The following MTMR2 variants were observed in gnomAD, a reference collection of about 807,000 sequenced individuals.
The protein encoded by MTMR2 is phosphatidylinositol-3,5-bisphosphate 3-phosphatase MTMR2.
MTMR2 carries 55 observed loss-of-function variants against 86.9 expected under a neutral mutation model. The observed-to-expected ratio is 0.63, with a 90% CI of 0.51 to 0.79. The LOEUF is 0.79. Ranked by LOEUF, MTMR2 falls within the 30% of genes least tolerant of loss-of-function variation. The pLI is 0.00. For missense variants in MTMR2, 659 were observed against 772.3 expected (o/e 0.85, Z 1.74); for synonymous variants, 241 against 266.8 (o/e 0.90, Z 0.94).
intron 2 of MTMR2, among the ~76,000 whole-genome samples, chr11:95,878,250 G>A (rs1404745473): frequency 2.0e-5 from 3 of 149,294 alleles, no homozygotes; most frequent in African/African-American, 7.4e-5. Context: ...CAAAAATGTG[G>A]ACACAGAAAA....
intron 1 of MTMR2, 36 bp from the exon 2 acceptor site, chr11:95,888,297 G>T: frequency 2.7e-6 from 4 of 1,482,826 alleles, no homozygotes; most frequent in South Asian, 2.3e-5. Flanking sequence ...TTGGAAAAAT[G>T]GGGGCTTCAA....
chr11:95,887,791 T>C, intron 2 of MTMR2: 1 of 230,372 alleles, frequency 4.3e-6, no homozygotes, highest in Non-Finnish European at 8.6e-6. Context: ...GGTCAGAGTT[T>C]TACAAGAGAT....
intron 1 of MTMR2, among the ~76,000 whole-genome samples, chr11:95,919,810 G>A (rs73533198): frequency 0.055 from 8,372 of 152,056 alleles, 781 homozygotes; most frequent in African/African-American, 0.19. Flanking sequence ...TGAACATTCC[G>A]TCAACATTCT....
At chr11:95,870,723 CTTT>C (rs1002042311) in intron 2 of MTMR2, among the ~76,000 whole-genome samples, 9 of 124,012 alleles carry the variant, frequency 7.3e-5, no homozygotes, top group Non-Finnish European at 1.5e-4. Flanking sequence ...TTTTAAGGTT[CTTT>C]TTTTCTTTTT....
At chr11:95,888,287 T>G in intron 1 of MTMR2, 26 bp from the exon 2 acceptor site, 1 of 1,554,258 alleles carries the variant, frequency 6.4e-7, no homozygotes, top group Non-Finnish European at 8.9e-7. Flanking sequence ...GTACAGTATG[T>G]TGGAAAAATG....
At chr11:95,848,991 T>A (rs1351133422) in intron 9 of MTMR2, among the ~76,000 whole-genome samples, 1 of 152,124 alleles carries the variant, frequency 6.6e-6, no homozygotes, top group Non-Finnish European at 1.5e-5. Context: ...ATGCCCTGGA[T>A]TCAGGTAGTG....
intron 2 of MTMR2, among the ~76,000 whole-genome samples, chr11:95,880,919 A>G (rs1865298873): frequency 6.6e-6 from 1 of 152,126 alleles, no homozygotes; most frequent in Admixed American, 6.5e-5. Flanking sequence ...AATTTGTCAC[A>G]TAAAGTTGGT....
At chr11:95,905,331 G>GCGCGCGCGCGCGCGCGCACA (rs928252045) in intron 1 of MTMR2, among the ~76,000 whole-genome samples, 5 of 147,992 alleles carry the variant, frequency 3.4e-5, no homozygotes, top group Admixed American at 2.0e-4. Flanking sequence ...ACGCACCTGC[G>GCGCGCGCGCGCGCGCGCACA]CACACACACA....
intron 10 of MTMR2, among the ~76,000 whole-genome samples, chr11:95,847,282 G>T (rs1863831818): frequency 6.6e-6 from 1 of 152,172 alleles, no homozygotes; most frequent in Admixed American, 6.6e-5. Context: ...AAAAATATAT[G>T]TAGGATTTAT....
intron 2 of MTMR2, among the ~76,000 whole-genome samples, chr11:95,874,408 G>A (rs1210514400): frequency 6.6e-6 from 1 of 152,084 alleles, no homozygotes; most frequent in African/African-American, 2.4e-5. Context: ...CAGAGACTAG[G>A]ATTGCAACCC....
chr11:95,904,496 G>A (rs1030368292), intron 1 of MTMR2, among the ~76,000 whole-genome samples: 3 of 152,158 alleles, frequency 2.0e-5, no homozygotes, highest in East Asian at 3.9e-4. Context: ...GATGAGATAA[G>A]AGGTCGGCAC....
intron 12 of MTMR2, among the ~76,000 whole-genome samples, chr11:95,839,568 C>T (rs1863447998): frequency 6.6e-6 from 1 of 152,052 alleles, no homozygotes; most frequent in Non-Finnish European, 1.5e-5. Flanking sequence ...GCTTTTAAAA[C>T]CCTCAGCAGA....
chr11:95,836,465 T>TA (rs2135402822), intron 13 of MTMR2, 141 bp from the exon 14 acceptor site: 1 of 754,388 alleles, frequency 1.3e-6, no homozygotes, highest in South Asian at 1.5e-5. Flanking sequence ...TAAACCAACT[T>TA]ATATTAAGAT....
At chr11:95,900,007 T>C (rs530755561) in intron 1 of MTMR2, among the ~76,000 whole-genome samples, 1 of 152,218 alleles carries the variant, frequency 6.6e-6, no homozygotes, top group East Asian at 1.9e-4. Flanking sequence ...GAGCATCCAC[T>C]GGGAAAAAAA....
At chr11:95,870,694 A>C (rs892070754) in intron 2 of MTMR2, among the ~76,000 whole-genome samples, 7 of 151,038 alleles carry the variant, frequency 4.6e-5, no homozygotes, top group African/African-American at 1.7e-4. Flanking sequence ...AAACACCAGG[A>C]ACCTATCTTC....
intron 1 of MTMR2, among the ~76,000 whole-genome samples, chr11:95,915,717 A>G (rs1487568464): frequency 6.6e-6 from 1 of 152,182 alleles, no homozygotes; most frequent in African/African-American, 2.4e-5. Context: ...GCAACATTCT[A>G]GAAGAGGATA....
chr11:95,844,529 G>T (rs995246545), intron 11 of MTMR2, among the ~76,000 whole-genome samples: 1 of 152,096 alleles, frequency 6.6e-6, no homozygotes, highest in Non-Finnish European at 1.5e-5. Context: ...ATGGGATCTG[G>T]GAACCAAGCC....
intron 1 of MTMR2, among the ~76,000 whole-genome samples, chr11:95,893,953 A>T (rs999060600): frequency 2.0e-5 from 3 of 152,182 alleles, no homozygotes; most frequent in Non-Finnish European, 4.4e-5. Flanking sequence ...TCCCTTGCTT[A>T]AATCTTCATT....
intron 7 of MTMR2, among the ~76,000 whole-genome samples, chr11:95,853,085 A>G (rs1864084495): frequency 6.7e-6 from 1 of 149,192 alleles, no homozygotes; most frequent in Non-Finnish European, 1.5e-5. Flanking sequence ...TTTTTATTAT[A>G]GCACGTGAAA....
Sources: gnomAD v4.1 joint callset for allele counts (sites outside exome capture counted in the v4.1 genomes callset) on GRCh38, gnomAD v4.1.1 for gene constraint, MANE v1.5 for transcripts, NCBI Gene and HGNC (gene_info 2026-07-23, HGNC 2026-07-21) for gene names.